EML4: variants seen among roughly 807,000 people sequenced by gnomAD.
EML4 encodes the protein EMAP like 4.
Under a neutral mutation model 129.0 loss-of-function variants are expected in EML4, and 72 were observed. That is an observed-to-expected ratio of 0.56 (90% CI 0.46 to 0.68). The LOEUF (loss-of-function observed/expected upper bound fraction) is 0.68. Among genes scored for constraint, EML4 ranks in the 30% least tolerant of loss-of-function variants. The pLI, the probability that EML4 is intolerant of heterozygous loss-of-function variation, is 0.00. For missense variants in EML4, 1,363 were observed against 1,190.6 expected (o/e 1.14, Z -2.13); for synonymous variants, 532 against 405.0 (o/e 1.31, Z -3.77).
chr2:42,288,134 T>TA, intron 10 of EML4, 93 bp from the exon 11 acceptor site: 3 of 552,778 alleles, frequency 5.4e-6, no homozygotes, highest in Middle Eastern at 4.5e-4. Context: ...TGGGTTATCT[T>TA]ACTATTTGCA....
intron 1 of EML4, among the ~76,000 whole-genome samples, chr2:42,211,619 C>G (rs975833666): frequency 6.6e-6 from 1 of 152,076 alleles, no homozygotes; most frequent in Non-Finnish European, 1.5e-5. Context: ...GATAAAATGT[C>G]GTTAGAGAGG....
At chr2:42,256,898 C>A (rs1302597326) in intron 3 of EML4, among the ~76,000 whole-genome samples, 1 of 152,078 alleles carries the variant, frequency 6.6e-6, no homozygotes, top group East Asian at 1.9e-4. Context: ...TTCTTTGTAA[C>A]AAGTATTTAT....
chr2:42,178,418 G>A (rs1670739548), intron 1 of EML4, among the ~76,000 whole-genome samples: 1 of 151,878 alleles, frequency 6.6e-6, no homozygotes, highest in South Asian at 2.1e-4. Context: ...TGAACGTGGT[G>A]GTGCATGCCC....
intron 19 of EML4, among the ~76,000 whole-genome samples, chr2:42,321,127 T>C (rs537483300): frequency 6.6e-6 from 1 of 152,086 alleles, no homozygotes; most frequent in South Asian, 2.1e-4. Context: ...CTCACACTTG[T>C]AATCCCAGCA....
intron 17 of EML4, among the ~76,000 whole-genome samples, chr2:42,308,445 G>A (rs1668739529): frequency 6.6e-6 from 1 of 152,176 alleles, no homozygotes; most frequent in East Asian, 1.9e-4. Context: ...AGGAGGCAGA[G>A]GTTGCAATGA....
At chr2:42,193,115 C>G (rs183533780) in intron 1 of EML4, among the ~76,000 whole-genome samples, 1 of 152,280 alleles carries the variant, frequency 6.6e-6, no homozygotes, top group Admixed American at 6.5e-5. Flanking sequence ...GATTTTAATA[C>G]TGTATTTTAC....
chr2:42,318,438 C>A lies in EML4; in HGVS notation c.2154+914C>A, dbSNP rs1004656811. ...GGAAGCAGACTTATTTGCCTTTTTG[C>A]ATATTTTATACCATATATTAAAACC... On this transcript the variant is annotated intron_variant, in intron 19 of 22. Coordinates refer to ENST00000318522, the MANE Select transcript of EML4 (RefSeq NM_019063.5). Among the ~76,000 whole-genome samples the A allele has an allele frequency of 6.6e-5, 10 of 152,146 alleles. No individual in the cohort carries two copies. The East Asian group carries it at 1.9e-3, about 29-fold the overall frequency.
intron 1 of EML4, among the ~76,000 whole-genome samples, chr2:42,170,805 G>C (rs1233013530): frequency 2.0e-5 from 3 of 152,200 alleles, no homozygotes; most frequent in Non-Finnish European, 4.4e-5. Context: ...GTCTCTACTT[G>C]GTTAATGTTC....
intron 1 of EML4, chr2:42,169,843 C>T (rs996327920): frequency 2.1e-6 from 1 of 471,910 alleles, no homozygotes. Flanking sequence ...GTGTCAGACC[C>T]TCCTTTCCTC....
At chr2:42,220,032 TGAA>T (rs1673471368) in intron 1 of EML4, among the ~76,000 whole-genome samples, 1 of 152,036 alleles carries the variant, frequency 6.6e-6, no homozygotes, top group Non-Finnish European at 1.5e-5. Context: ...GAGTATGTCT[TGAA>T]GATTTATTTT....
At chr2:42,278,227 G>A (rs1666766128) in intron 6 of EML4, among the ~76,000 whole-genome samples, 2 of 152,262 alleles carry the variant, frequency 1.3e-5, no homozygotes, top group South Asian at 4.2e-4. Context: ...GATGCTAGAG[G>A]CAGGGTTAAG....
intron 1 of EML4, among the ~76,000 whole-genome samples, chr2:42,244,101 G>GTTTTTTTTTTTTTTTTTTTGT (rs147426155): frequency 1.2e-5 from 1 of 81,366 alleles, no homozygotes; most frequent in African/African-American, 3.5e-5. Context: ...TTTGTTTTTT[G>GTTTTTTTTTTTTTTTTTTTGT]TTTTTTTTTT....
intron 1 of EML4, among the ~76,000 whole-genome samples, chr2:42,199,070 G>C (rs1029363782): frequency 6.6e-6 from 1 of 152,144 alleles, no homozygotes. Context: ...TTGATAGGTG[G>C]GGAGAAAGTG....
rs774073765 is a variant in EML4, at chr2:42,256,603, A to G, written c.311A>G (p.Lys104Arg). Residue 104 changes from lysine to arginine, a missense_variant, in exon 3 of 23, where the codon AAA becomes AGA. Transcript: ENST00000318522. ...SHTSAVSIAGKETLSSAAKSG... is the reference protein window; with the variant it reads ...SHTSAVSIAGRETLSSAAKSG... ...ACCAGTGCTGTCTCAATTGCAGGAAAAGAAACTCTTTCATCTGCTGCTAAA... is the reference window on the plus strand; with the variant it reads ...ACCAGTGCTGTCTCAATTGCAGGAAGAGAAACTCTTTCATCTGCTGCTAAA... The G allele has an allele frequency of 1.9e-6, 3 of 1,613,892 alleles. No homozygotes were observed. The highest frequency in any genetic ancestry group is 1.3e-5 in the African/African-American group (1 of 75,066).
intron 1 of EML4, among the ~76,000 whole-genome samples, chr2:42,221,568 C>T (rs1160414665): frequency 2.6e-5 from 4 of 151,532 alleles, no homozygotes; most frequent in African/African-American, 4.8e-5. Context: ...CCCAACCATG[C>T]CTGACTAATT....
At chr2:42,205,968 T>C (rs1672515848) in intron 1 of EML4, among the ~76,000 whole-genome samples, 1 of 152,154 alleles carries the variant, frequency 6.6e-6, no homozygotes, top group African/African-American at 2.4e-5. Flanking sequence ...TTTTTTTTCT[T>C]TCCCTAGGAC....
chr2:42,244,067 T>G (rs1182066121), intron 1 of EML4, among the ~76,000 whole-genome samples: 1 of 74,160 alleles, frequency 1.3e-5, no homozygotes. Flanking sequence ...CAATTAATGT[T>G]TTTTTTGTTT....
chr2:42,266,386 G>A (rs752663356), intron 6 of EML4, among the ~76,000 whole-genome samples: 7 of 152,144 alleles, frequency 4.6e-5, no homozygotes, highest in Non-Finnish European at 7.3e-5. Context: ...TTGCTCTGTT[G>A]CCCCGGCTGG....
chr2:42,316,558 C>T (rs112499200), intron 18 of EML4, among the ~76,000 whole-genome samples: 3,906 of 152,206 alleles, frequency 0.026, 83 homozygotes, highest in Non-Finnish European at 0.042. Context: ...TGATATATTC[C>T]TTTAGCCTGC....
Sources: allele counts gnomAD v4.1 joint callset (sites outside exome capture counted in the v4.1 genomes callset), GRCh38; gene constraint gnomAD v4.1.1; transcripts MANE v1.5; gene names NCBI Gene and HGNC (gene_info 2026-07-23, HGNC 2026-07-21).